SLC35F4: variants seen among roughly 807,000 people sequenced by gnomAD.
SLC35F4 encodes solute carrier family 35 member F4.
In SLC35F4, 24 loss-of-function variants were observed where a neutral mutation model predicts 44.2. The ratio of observed to expected loss-of-function variants is 0.54; its 90% CI spans 0.39 to 0.76. The LOEUF (loss-of-function observed/expected upper bound fraction) is 0.76. Among genes scored for constraint, SLC35F4 ranks in the 30% least tolerant of loss-of-function variants. The pLI, the probability that SLC35F4 is intolerant of heterozygous loss-of-function variation, is 0.00. For missense variants in SLC35F4, 562 were observed against 586.1 expected (o/e 0.96, Z 0.42); for synonymous variants, 238 against 223.6 (o/e 1.06, Z -0.57).
At chr14:57,847,760 C>A (rs527371184) in intron 1 of SLC35F4, among the ~76,000 whole-genome samples, 1 of 152,258 alleles carries the variant, frequency 6.6e-6, no homozygotes, top group East Asian at 1.9e-4. Context: ...GTTGTGACAT[C>A]TAAAGTAGCT....
chr14:57,730,301 A>G (rs1489715979), intron 1 of SLC35F4, among the ~76,000 whole-genome samples: 1 of 152,060 alleles, frequency 6.6e-6, no homozygotes. Flanking sequence ...ATCTTTCTCC[A>G]TCTTCTCATC....
Position 57,907,074 on chromosome 14 carries a change from T to A in SLC35F4, n.282+74839A>T, listed in dbSNP as rs8017743. Among the ~76,000 whole-genome samples the A allele has an allele frequency of 0.023, 3,427 of 152,260 alleles. 415 individuals carry two copies. The East Asian group carries it at 0.39, about 17-fold the overall frequency. ...CATTTGTGACCCTTTATGGAATAAT[T>A]TGCAAGATTTATTTATTTGATTTTA... On this transcript the variant is annotated intron_variant and non_coding_transcript_variant, in intron 1 of 1. Transcript: ENST00000556568.
At chr14:57,837,377 C>A (rs1215419292) in intron 1 of SLC35F4, 2 of 152,194 alleles carry the variant, frequency 1.3e-5, no homozygotes, top group African/African-American at 4.8e-5. Context: ...GTATGTCCCA[C>A]AACTTACTGA....
intron 1 of SLC35F4, among the ~76,000 whole-genome samples, chr14:57,654,413 G>C (rs547564933): frequency 1.0e-3 from 152 of 152,260 alleles, no homozygotes; most frequent in Non-Finnish European, 5.6e-4. Flanking sequence ...TGCTGCAAAA[G>C]ACATTATTTC....
rs145453341 is a variant in SLC35F4, at chr14:57,590,795, C to T, written c.290-1282G>A. ...TATGCTGAGGGTTAAAGTAGCGCAG[C>T]CCAGAGATTGCAAATGGCAGTGGAT... On this transcript the variant is annotated intron_variant, in intron 2 of 7. Transcript: ENST00000556826. Among the ~76,000 whole-genome samples, 3 of 152,284 alleles carry T rather than the reference C, an allele frequency of 2.0e-5. No homozygotes were observed. In the East Asian group the frequency reaches 5.8e-4, roughly 29 times the overall value.
chr14:57,595,898 C>T (rs1338506987), intron 1 of SLC35F4: 1 of 152,152 alleles, frequency 6.6e-6, no homozygotes, highest in African/African-American at 2.4e-5. Context: ...GTTGCCAGAA[C>T]CTAGGATGGA....
chr14:57,761,506 A>C (rs892932826), intron 1 of SLC35F4, among the ~76,000 whole-genome samples: 8 of 152,222 alleles, frequency 5.3e-5, no homozygotes, highest in Admixed American at 5.2e-4. Context: ...AGTTTTAGGA[A>C]GAGTAAGTTA....
chr14:57,715,727 T>A (rs558972025), intron 1 of SLC35F4, among the ~76,000 whole-genome samples: 1 of 152,164 alleles, frequency 6.6e-6, no homozygotes. Context: ...AAATGTTGGA[T>A]GATATTGCAG....
At chr14:57,878,805 A>G (rs1207264071) in intron 1 of SLC35F4, among the ~76,000 whole-genome samples, 5 of 152,118 alleles carry the variant, frequency 3.3e-5, no homozygotes, top group African/African-American at 1.2e-4. Context: ...CACTTCATAG[A>G]TATTTCCAAA....
chr14:57,970,818 G>A (rs1881033076), intron 1 of SLC35F4, among the ~76,000 whole-genome samples: 1 of 152,162 alleles, frequency 6.6e-6, no homozygotes, highest in South Asian at 2.1e-4. Context: ...TCTCTAGTCA[G>A]CACTTGAATG....
chr14:57,564,933 A>G (rs2068129519), intron 7 of SLC35F4, among the ~76,000 whole-genome samples: 1 of 151,956 alleles, frequency 6.6e-6, no homozygotes. Context: ...GCAACCACCA[A>G]TCTGCTTTTT....
chr14:57,674,134 G>C (rs1281845220), intron 1 of SLC35F4, among the ~76,000 whole-genome samples: 1 of 151,950 alleles, frequency 6.6e-6, no homozygotes, highest in African/African-American at 2.4e-5. Flanking sequence ...GTGCAGATTA[G>C]AGAAATGCAA....
intron 1 of SLC35F4, among the ~76,000 whole-genome samples, chr14:57,791,034 G>C (rs2077904385): frequency 6.6e-6 from 1 of 152,156 alleles, no homozygotes; most frequent in African/African-American, 2.4e-5. Context: ...AAAAACCCTA[G>C]AAGAAAAGCT....
chr14:57,840,886 G>A (rs552411803), intron 1 of SLC35F4, among the ~76,000 whole-genome samples: 4 of 152,180 alleles, frequency 2.6e-5, no homozygotes, highest in Non-Finnish European at 2.9e-5. Context: ...AGAACCTTAT[G>A]AAGCACCTCA....
At position 57,716,353 on chromosome 14, in the gene SLC35F4, G is replaced by A. The variant is rs539836278; in HGVS notation, c.104-122229C>T. Reference sequence around the variant, plus strand: ...TATACCTTAACCATTTATGCCGGATGTTGCAATTTTTTGAATTGCAGACAC... The same window carrying A: ...TATACCTTAACCATTTATGCCGGATATTGCAATTTTTTGAATTGCAGACAC... On this transcript the variant is annotated intron_variant, in intron 1 of 7. Transcript: ENST00000556826. Among the ~76,000 whole-genome samples, 7 of 150,906 alleles carry A rather than the reference G, an allele frequency of 4.6e-5. No homozygotes were observed. In the South Asian group the frequency reaches 1.3e-3, roughly 27 times the overall value.
intron 1 of SLC35F4, among the ~76,000 whole-genome samples, chr14:57,848,205 A>G (rs1381708161): frequency 1.3e-5 from 2 of 152,196 alleles, no homozygotes; most frequent in African/African-American, 4.8e-5. Context: ...GTCTTGTGTA[A>G]GCCTGTTTAA....
intron 1 of SLC35F4, among the ~76,000 whole-genome samples, chr14:57,889,402 T>C (rs1888714592): frequency 6.6e-6 from 1 of 152,236 alleles, no homozygotes; most frequent in Non-Finnish European, 1.5e-5. Flanking sequence ...CTCCAAGCCA[T>C]GTGACCCAGC....
chr14:57,941,408 A>G (rs1200433948), intron 1 of SLC35F4, among the ~76,000 whole-genome samples: 1 of 152,204 alleles, frequency 6.6e-6, no homozygotes, highest in Non-Finnish European at 1.5e-5. Flanking sequence ...CCTTGAAAAC[A>G]TTGTCCTAAG....
chr14:57,579,087 C>CTG (rs1455151285), intron 4 of SLC35F4: 1 of 152,226 alleles, frequency 6.6e-6, no homozygotes, highest in South Asian at 2.1e-4. Context: ...ACCTCCTCTT[C>CTG]TGTGTGTGTC....
Sources: allele counts gnomAD v4.1 joint callset (sites outside exome capture counted in the v4.1 genomes callset), GRCh38; gene constraint gnomAD v4.1.1; transcripts MANE v1.5; gene names NCBI Gene and HGNC (gene_info 2026-07-23, HGNC 2026-07-21).